Variants in RUNDC3B observed in about 807,000 individuals in gnomAD.
RUNDC3B encodes RUN domain containing 3B.
RUNDC3B carries 33 observed loss-of-function variants against 58.4 expected under a neutral mutation model. The observed-to-expected ratio is 0.56, with a 90% CI of 0.43 to 0.75. The LOEUF (loss-of-function observed/expected upper bound fraction) is 0.75. RUNDC3B is among the 30% of genes least tolerant of loss of function. The pLI is 0.00. For missense variants in RUNDC3B, 501 were observed against 535.7 expected, an observed-to-expected ratio of 0.94 and a Z score of 0.64; for synonymous variants, 193 against 195.2, an observed-to-expected ratio of 0.99 and a Z score of 0.10.
intron 8 of RUNDC3B, among the ~76,000 whole-genome samples, chr7:87,800,197 A>G (rs1311180271): frequency 6.6e-6 from 1 of 152,200 alleles, no homozygotes; most frequent in Non-Finnish European, 1.5e-5. Flanking sequence ...CATCATGAGC[A>G]TTGGCACAGC....
chr7:87,709,479 A>T, intron 3 of RUNDC3B: 1 of 985,440 alleles, frequency 1.0e-6, no homozygotes, highest in Non-Finnish European at 1.2e-6. Context: ...GACTGAGCAC[A>T]GGGCAAGCTA....
chr7:87,692,729 A>T lies in RUNDC3B; in HGVS notation c.239-7692A>T, dbSNP rs140792970. On this transcript the variant is annotated intron_variant, in intron 2 of 10. Transcript: ENST00000394654. Reference sequence around the variant, plus strand: ...AATGTGGTTTAAATATTAGGAATTAATGTTATTTGCAATGAAAAGCATTCT... The same window carrying T: ...AATGTGGTTTAAATATTAGGAATTATTGTTATTTGCAATGAAAAGCATTCT... Among the ~76,000 whole-genome samples the T allele has an allele frequency of 6.6e-5, 10 of 152,334 alleles. No homozygotes were observed. The East Asian group carries it at 1.9e-3, about 29-fold the overall frequency.
At chr7:87,781,314 A>G (rs571517278) in intron 8 of RUNDC3B, among the ~76,000 whole-genome samples, 3 of 152,190 alleles carry the variant, frequency 2.0e-5, no homozygotes, top group Admixed American at 1.3e-4. Context: ...TAGAAGTACA[A>G]CTGATTTTTA....
At chr7:87,716,303 T>A (rs1340525003) in intron 4 of RUNDC3B, among the ~76,000 whole-genome samples, 1 of 152,164 alleles carries the variant, frequency 6.6e-6, no homozygotes, top group East Asian at 1.9e-4. Context: ...TATAGAAAGT[T>A]ACCAAATAAA....
chr7:87,715,149 G>A (rs1452534467), intron 4 of RUNDC3B, among the ~76,000 whole-genome samples: 3 of 145,938 alleles, frequency 2.1e-5, no homozygotes, highest in Non-Finnish European at 3.0e-5. Context: ...GAAGCCACAG[G>A]TAGTGTGAAA....
intron 4 of RUNDC3B, among the ~76,000 whole-genome samples, chr7:87,714,716 C>T (rs1281939272): frequency 5.3e-5 from 8 of 152,048 alleles, no homozygotes; most frequent in Admixed American, 4.6e-4. Flanking sequence ...TGTAGAAGAG[C>T]CATGGCAAGA....
At chr7:87,821,861 C>A (rs1486701661) in intron 10 of RUNDC3B, among the ~76,000 whole-genome samples, 1 of 152,138 alleles carries the variant, frequency 6.6e-6, no homozygotes, top group African/African-American at 2.4e-5. Flanking sequence ...AAACTGGATC[C>A]CTTCCTTACA....
chr7:87,817,799 A>G (rs1837149542), intron 10 of RUNDC3B, among the ~76,000 whole-genome samples: 1 of 152,200 alleles, frequency 6.6e-6, no homozygotes. Flanking sequence ...TCATGAGGGT[A>G]AAAATCTTAT....
Position 87,655,272 on chromosome 7 carries a change from A to G in RUNDC3B, c.238+4335A>G, listed in dbSNP as rs961466600. Among the ~76,000 whole-genome samples, 3 of 152,148 alleles carry G rather than the reference A, an allele frequency of 2.0e-5. No individual in the cohort carries two copies. The East Asian group carries it at 5.8e-4, about 29-fold the overall frequency. The stretch of plus-strand genomic sequence containing the variant: ...GTCTCGAAGAGTTATCTCTACTCCC[A>G]TGTTCATTGCAGGATTATTCACACT... On this transcript the variant is annotated intron_variant, in intron 2 of 10. Coordinates refer to ENST00000394654, the MANE Select transcript of RUNDC3B (RefSeq NM_001134405.2).
intron 7 of RUNDC3B, among the ~76,000 whole-genome samples, chr7:87,772,281 C>G (rs893887153): frequency 2.6e-5 from 4 of 151,710 alleles, no homozygotes; most frequent in Non-Finnish European, 4.4e-5. Flanking sequence ...ACAATCAGTT[C>G]TCGAGAGCCT....
intron 4 of RUNDC3B, among the ~76,000 whole-genome samples, chr7:87,725,293 A>AAGC (rs1831154342): frequency 6.6e-6 from 1 of 152,076 alleles, no homozygotes; most frequent in Non-Finnish European, 1.5e-5. Flanking sequence ...TCCTGTGTCC[A>AAGC]AGCATTCTCA....
intron 10 of RUNDC3B, among the ~76,000 whole-genome samples, chr7:87,819,477 A>G (rs917929312): frequency 6.6e-6 from 1 of 152,274 alleles, no homozygotes; most frequent in African/African-American, 2.4e-5. Context: ...AGACAGATCA[A>G]CGAGACAGAA....
At chr7:87,778,077 C>G (rs2130883451) in intron 8 of RUNDC3B, 122 bp downstream of exon 8, 1 of 769,810 alleles carries the variant, frequency 1.3e-6, no homozygotes, top group South Asian at 2.0e-5. Flanking sequence ...TTTTCACCTA[C>G]ACTTTTTTGA....
chr7:87,739,147 C>A (rs1832166395), intron 4 of RUNDC3B, among the ~76,000 whole-genome samples: 1 of 152,066 alleles, frequency 6.6e-6, no homozygotes, highest in Middle Eastern at 3.4e-3. Flanking sequence ...CTAATGATAA[C>A]TAAAATGTAA....
intron 9 of RUNDC3B, among the ~76,000 whole-genome samples, chr7:87,809,243 C>T (rs1459408232): frequency 6.6e-6 from 1 of 152,124 alleles, no homozygotes; most frequent in Non-Finnish European, 1.5e-5. Flanking sequence ...AGTTATTCCA[C>T]CAACTTAAGA....
intron 2 of RUNDC3B, chr7:87,659,267 G>A (rs1824451326): frequency 2.4e-6 from 1 of 411,950 alleles, no homozygotes; most frequent in Non-Finnish European, 4.8e-6. Context: ...TTAGTTTTCT[G>A]TTTGTTCCCC....
chr7:87,690,247 A>C (rs1827885576), intron 2 of RUNDC3B, among the ~76,000 whole-genome samples: 2 of 152,130 alleles, frequency 1.3e-5, no homozygotes, highest in South Asian at 4.1e-4. Flanking sequence ...AATTTGATGA[A>C]GAGTATTTTC....
At chr7:87,748,764 G>C (rs543484990) in intron 6 of RUNDC3B, among the ~76,000 whole-genome samples, 1 of 152,238 alleles carries the variant, frequency 6.6e-6, no homozygotes, top group African/African-American at 2.4e-5. Context: ...TCTAGTAAGA[G>C]AAGTCACTAA....
intron 2 of RUNDC3B, among the ~76,000 whole-genome samples, chr7:87,667,545 G>T (rs1825387312): frequency 6.6e-6 from 1 of 152,010 alleles, no homozygotes; most frequent in Non-Finnish European, 1.5e-5. Flanking sequence ...GTAGTGGTGA[G>T]AGAGGGCATC....
Sources: allele counts gnomAD v4.1 joint callset (sites outside exome capture counted in the v4.1 genomes callset), GRCh38; gene constraint gnomAD v4.1.1; transcripts MANE v1.5; gene names NCBI Gene and HGNC (gene_info 2026-07-23, HGNC 2026-07-21).